Variants in SLC22A14 observed in about 807,000 individuals in gnomAD.
The protein encoded by SLC22A14 is solute carrier family 22 member 14, also known as organic cation transporter-like 4.
A neutral mutation model predicts 53.9 loss-of-function variants in SLC22A14; 50 were observed. The ratio of observed to expected loss-of-function variants is 0.93; its 90% CI spans 0.74 to 1.17. SLC22A14 has a LOEUF of 1.17. SLC22A14 is among the 50% of genes most tolerant of loss of function. The probability of loss-of-function intolerance (pLI) is 0.00; values close to 1 mark genes in which losing one functional copy is unlikely to be tolerated. For synonymous variants in SLC22A14, 312 were observed against 303.0 expected, an observed-to-expected ratio of 1.03 and a Z score of -0.31; for missense variants, 671 against 734.7, an observed-to-expected ratio of 0.91 and a Z score of 1.00.
rs1271827015 is a variant in SLC22A14, at chr3:38,309,070, C to G, written c.892C>G (p.Leu298Val). The G allele has an allele frequency of 6.2e-7, 1 of 1,614,006 alleles. No individual in the cohort carries two copies. Among genetic ancestry groups the G allele is most frequent in the African/African-American group, 1.3e-5 (1 of 74,944 alleles). ...CGCCTACAGTCTTCCCCACTGGCAG[C>G]TGCTGTTTCTGGTGGGTGGGATACT... Reference protein sequence around the residue: ...GIAYSLPHWQLLFLVGGILVI... With the variant: ...GIAYSLPHWQVLFLVGGILVI... Residue 298 changes from leucine (L) to valine (V), a missense_variant, in exon 5 of 11, where the codon CTG (leucine) becomes GTG (valine). By Grantham distance (32) the Leu-to-Val change is conservative. Transcript: ENST00000448498.
intron 1 of SLC22A14, chr3:38,303,736 C>A (rs1371285186): frequency 6.6e-6 from 1 of 152,088 alleles, no homozygotes; most frequent in African/African-American, 2.4e-5. Context: ...AGCTGTCCTC[C>A]AGAGATCATT....
At chr3:38,280,723 G>A (rs970499466), upstream of SLC22A14, among the ~76,000 whole-genome samples, 1 of 151,606 alleles carries the variant, frequency 6.6e-6, no homozygotes, top group African/African-American at 2.4e-5. Context: ...TCTGCCTCCT[G>A]GGTTCAAGCG....
chr3:38,305,865 GT>G, intron 1 of SLC22A14, 161 bp from the exon 2 acceptor site: 1 of 690,076 alleles, frequency 1.4e-6, no homozygotes, highest in Non-Finnish European at 2.5e-6. Context: ...AATAAATCAT[GT>G]TAACTAAGAA....
In SLC22A14 at chr3:38,282,790, A is replaced by T. The variant is rs145311217; in HGVS notation, c.-1+451A>T. On this transcript the variant is annotated intron_variant, in intron 1 of 10. Transcript: ENST00000448498. ...CAGATGGCTCTGGTCCAGAAGCCAC[A>T]TCTCTGAGAGGACAGCGGAGGCTCT... Among the ~76,000 whole-genome samples, 46 of 152,250 alleles carry T rather than the reference A, an allele frequency of 3.0e-4. No homozygotes were observed. In the East Asian group the frequency reaches 8.9e-3, roughly 29 times the overall value.
Position 38,306,414 on chromosome 3 carries a change from A to T in SLC22A14, c.388A>T (p.Thr130Ser). 6.2e-7 allele frequency: 1 copy of T among 1,614,192 alleles called. No individual in the cohort carries two copies. Among genetic ancestry groups the T allele is most frequent in the Non-Finnish European group, 8.5e-7 (1 of 1,180,028 alleles). ...IPQAPNGSFL[T>S]CFMYLPVPWN... ...CCAAGCACCCAATGGCAGTTTCCTG[A>T]CATGCTTCATGTACCTTCCTGTGCC... is the stretch of plus-strand genomic sequence containing the variant. Residue 130 changes from threonine (T) to serine (S), a missense_variant, in exon 2 of 11, where the codon ACA becomes TCA. Coordinates refer to ENST00000448498, the MANE Select transcript of SLC22A14 (RefSeq NM_001320033.2).
rs1175609797 is a variant in SLC22A14 at position 38,313,009 on chromosome 3, G to T, written c.955G>T (p.Glu319Ter). 2 of 1,581,566 alleles carry T rather than the reference G, an allele frequency of 1.3e-6. No individual in the cohort carries two copies. Among genetic ancestry groups the T allele is most frequent in the South Asian group, 2.3e-5 (2 of 86,380 alleles). Residue 319 changes from glutamate (E) to a stop codon, truncating the protein, a stop_gained, in exon 6 of 11, where the codon GAG becomes TAG. Coordinates refer to ENST00000448498, the MANE Select transcript of SLC22A14 (RefSeq NM_001320033.2). LOFTEE classifies it high-confidence loss of function. ...PFISYIWILP[E>*]SPRWLMMKGK... Reference sequence around the variant, plus strand: ...GGGCTGGCCACGCAGGATTCTCCCGGAGTCCCCGCGGTGGCTGATGATGAA... The same window carrying T: ...GGGCTGGCCACGCAGGATTCTCCCGTAGTCCCCGCGGTGGCTGATGATGAA...
chr3:38,315,186 G>A (rs75603744), intron 8 of SLC22A14, among the ~76,000 whole-genome samples: 371 of 152,340 alleles, frequency 2.4e-3, no homozygotes, highest in African/African-American at 8.5e-3. Context: ...GCCCTGAGCA[G>A]GGGTCCCAAC....
chr3:38,281,609 G>A (rs1397041319), upstream of SLC22A14, among the ~76,000 whole-genome samples: 2 of 152,154 alleles, frequency 1.3e-5, no homozygotes, highest in African/African-American at 4.8e-5. Flanking sequence ...TCCATGATTG[G>A]TGATTCATGG....
intron 1 of SLC22A14, among the ~76,000 whole-genome samples, chr3:38,290,856 C>T (rs1435907875): frequency 6.6e-6 from 1 of 152,192 alleles, no homozygotes; most frequent in East Asian, 1.9e-4. Flanking sequence ...GCTTCAATAT[C>T]TGCTTGGTGG....
At chr3:38,295,347 T>TG (rs1704005884) in intron 1 of SLC22A14, among the ~76,000 whole-genome samples, 3 of 152,392 alleles carry the variant, frequency 2.0e-5, no homozygotes, top group Non-Finnish European at 4.4e-5. Flanking sequence ...AATTCTGAAC[T>TG]GGTGAGGTGT....
chr3:38,301,885 C>T (rs530828538), intron 1 of SLC22A14, among the ~76,000 whole-genome samples: 43 of 151,436 alleles, frequency 2.8e-4, no homozygotes, highest in Admixed American at 6.6e-4. Context: ...ATATGGTTTT[C>T]TCCATTGATC....
At position 38,306,203 on chromosome 3, in the gene SLC22A14, G is replaced by C. The variant is rs9847670; in HGVS notation, c.177G>C (p.Val59=). 1,517 of 1,614,136 alleles carry C rather than the reference G, an allele frequency of 9.4e-4. 14 individuals carry two copies. The African/African-American group carries it at 0.018, about 20-fold the overall frequency. ...DDKFANLLDA[V]GEFGTFQQRL... The stretch of plus-strand genomic sequence containing the variant: ...AGTTTGCCAACCTCCTGGATGCGGT[G>C]GGGGAGTTTGGCACATTCCAGCAGA... Residue 59 remains valine (V), a synonymous_variant, in exon 2 of 11, where the codon GTG becomes GTC. Coordinates refer to ENST00000448498, the MANE Select transcript of SLC22A14 (RefSeq NM_001320033.2).
Position 38,306,316 on chromosome 3 carries a change from A to G in SLC22A14, c.290A>G (p.Tyr97Cys), listed in dbSNP as rs1559550379. Reference sequence around the variant, plus strand: ...TTCGTGTTCACAGCCCAGAAGCCCTATTGCAATACCAGCTGGATCCTGGCA... The same window carrying G: ...TTCGTGTTCACAGCCCAGAAGCCCTGTTGCAATACCAGCTGGATCCTGGCA... ...DHFVFTAQKPYCNTSWILAVG... is the reference protein window; with the variant it reads ...DHFVFTAQKPCCNTSWILAVG... Residue 97 changes from tyrosine (Y) to cysteine (C), a missense_variant, in exon 2 of 11, where the codon TAT becomes TGT. Physicochemically the swap from Tyr to Cys is radical, Grantham distance 194. Transcript: ENST00000448498. The G allele has an allele frequency of 6.2e-7, 1 of 1,614,082 alleles. No homozygotes were observed. The highest frequency in any genetic ancestry group is 8.5e-7 in the Non-Finnish European group (1 of 1,180,010).
chr3:38,318,253 A>G lies in SLC22A14; in HGVS notation c.*4A>G. 1 of 1,613,334 alleles carries G rather than the reference A, an allele frequency of 6.2e-7. No individual in the cohort carries two copies. On this transcript the variant is annotated 3_prime_UTR_variant, in exon 11 of 11. Transcript: ENST00000448498. ...AACATCATCTGATGATGTCTGAGGA[A>G]GCGGCCAAGAATGTCATTCTCAATG...
chr3:38,315,229 C>G (rs1400978915), intron 8 of SLC22A14, among the ~76,000 whole-genome samples: 1 of 152,368 alleles, frequency 6.6e-6, no homozygotes, highest in East Asian at 1.9e-4. Context: ...TGAGTGGATC[C>G]CCAGTGGGGT....
In SLC22A14 at chr3:38,313,823, G is replaced by A; in HGVS notation, c.1260G>A (p.Glu420=). ...GACACGTGGTCCCCAGCATCATGGA[G>A]GTGCCTGCCCGGCTGTGCTGCATCT... ...HFRHVVPSIM[E]VPARLCCIFL... is the part of the protein sequence containing the mutation. Residue 420 remains glutamate (E), a synonymous_variant, in exon 8 of 11, where the codon GAG becomes GAA. Transcript: ENST00000448498. The A allele has an allele frequency of 6.2e-7, 1 of 1,614,118 alleles. No individual in the cohort carries two copies. Among genetic ancestry groups the A allele is most frequent in the Non-Finnish European group, 8.5e-7 (1 of 1,180,018 alleles).
rs374809989 is a variant in SLC22A14 at position 38,307,569 on chromosome 3, G to A, written c.624G>A (p.Met208Ile). ...AGCCTCCCTTTGACACCTGTAGGAT[G>A]GGCCGCTACCCTGCCATCCTGCTGT... ...SLIFRLITDK[M>I]GRYPAILLSL... is the part of the protein sequence containing the mutation. The change falls in exon 4 of 11, where the codon ATG (methionine) becomes ATA (isoleucine). Residue 208 changes from methionine to isoleucine, a missense_variant. Transcript: ENST00000448498. This position sits in a 1 kb window ranked among gnomAD's most constrained non-coding sequence, Gnocchi z 4.4. The A allele has an allele frequency of 6.2e-6, 10 of 1,613,616 alleles. No homozygotes were observed. In the African/African-American group the frequency reaches 1.3e-4, roughly 22 times the overall value.
Position 38,307,208 on chromosome 3 carries a change from A to T in SLC22A14, c.517-46A>T. The T allele has an allele frequency of 7.4e-7, 1 of 1,358,012 alleles. No homozygotes were observed. 84.1% of individuals were successfully genotyped at this position (1,358,012 alleles called of 1,614,324 possible). A position where few individuals can be genotyped will look rare whatever the true frequency, so the allele number is the denominator to read the frequency against. On this transcript the variant is annotated intron_variant, in intron 2 of 10. Coordinates refer to ENST00000448498, the MANE Select transcript of SLC22A14 (RefSeq NM_001320033.2). The surrounding 1 kb of genome is among the most constrained non-coding windows in gnomAD (Gnocchi z 4.4). ...CGCTGGGATGAGTCTCAGTCTCTGG[A>T]CCCAAAGGTGGGCACCCGTGGCCAA...
At chr3:38,308,036 C>T (rs1219246384) in intron 4 of SLC22A14, 9 of 401,998 alleles carry the variant, frequency 2.2e-5, no homozygotes, top group African/African-American at 4.1e-5. Flanking sequence ...CCCTCATACA[C>T]CACACCTTCC....
Sources: allele counts gnomAD v4.1 joint callset (sites outside exome capture counted in the v4.1 genomes callset), GRCh38; gene constraint gnomAD v4.1.1; non-coding constraint Gnocchi (gnomAD v3.1); transcripts MANE v1.5; gene names NCBI Gene and HGNC (gene_info 2026-07-23, HGNC 2026-07-21).